Variants in IL6R observed in about 807,000 individuals in gnomAD.
IL6R encodes the protein interleukin-6 receptor subunit alpha.
IL6R carries 38 observed loss-of-function variants against 48.3 expected under a neutral mutation model. The ratio of observed to expected loss-of-function variants is 0.79; its 90% CI spans 0.61 to 1.03. The LOEUF is 1.03. IL6R is among the 50% of genes least tolerant of loss of function. The pLI is 0.00. For missense variants in IL6R, 534 were observed against 618.3 expected (o/e 0.86, Z 1.45); for synonymous variants, 264 against 256.2 (o/e 1.03, Z -0.29).
intron 8 of IL6R, among the ~76,000 whole-genome samples, chr1:154,453,090 A>C (rs1570998994): frequency 6.6e-6 from 1 of 151,998 alleles, no homozygotes; most frequent in Admixed American, 6.6e-5. Flanking sequence ...CTATTGTCCC[A>C]GGTACTTGGG....
chr1:154,457,322 C>CAAAAAAAAAAAAAAAAAAAAAAAAAAAA (rs60033332), intron 9 of IL6R, among the ~76,000 whole-genome samples: 1 of 78,124 alleles, frequency 1.3e-5, no homozygotes. Context: ...GACTCCGTCT[C>CAAAAAAAAAAAAAAAAAAAAAAAAAAAA]AAAAAAAAAA....
chr1:154,427,403 A>T (rs1016319861), intron 1 of IL6R, among the ~76,000 whole-genome samples: 4 of 152,156 alleles, frequency 2.6e-5, no homozygotes, highest in Non-Finnish European at 5.9e-5. Flanking sequence ...GGGAGAAAGT[A>T]AGGCCATAGG....
At position 154,466,642 on chromosome 1, in the gene IL6R, G is replaced by A. The variant is rs549744082; in HGVS notation, c.*1262G>A. 3.4e-4 allele frequency: 52 copies of A among 153,088 alleles called. No individual in the cohort carries two copies. Among genetic ancestry groups the A allele is most frequent in the South Asian group, 2.7e-3 (13 of 4,844 alleles). The allele number at this position is 153,088 out of a possible 1,614,324, so 9.5% of individuals were successfully genotyped here. On this transcript the variant is annotated 3_prime_UTR_variant, in exon 10 of 10. Coordinates refer to ENST00000368485, the MANE Select transcript of IL6R (RefSeq NM_000565.4). ...GCAGGAGGATCACTTGAGTCCAGAA[G>A]TTTGAGATCAGCCTGGGCAATGTGA...
rs1228285371 is a variant in IL6R, at chr1:154,448,121, G to C, written c.950-4G>C. 1 of 1,612,624 alleles carries C rather than the reference G, an allele frequency of 6.2e-7. No homozygotes were observed. The highest frequency in any genetic ancestry group is 2.2e-5 in the East Asian group (1 of 44,884). On this transcript the variant is annotated splice_region_variant and splice_polypyrimidine_tract_variant and intron_variant, in intron 6 of 9. Transcript: ENST00000368485. ...CTAATAATGAGCCTTTCTTCTGTCC[G>C]CAGAATCCAGGAGTCCTCCAGCTGA...
At position 154,434,629 on chromosome 1, in the gene IL6R, T is replaced by C. The variant is rs1011958394; in HGVS notation, c.569T>C (p.Val190Ala). ...VPEGDSSFYI[V>A]SMCVASSVGS... ...GAGGGAGACAGCTCTTTCTACATAG[T>C]GTCCATGTGCGTCGCCAGTAGTGTC... Residue 190 changes from valine to alanine, a missense_variant, in exon 4 of 10, where the codon GTG (valine) becomes GCG (alanine). Physicochemically the swap from Val to Ala is moderately conservative, Grantham distance 64. Coordinates refer to ENST00000368485, the MANE Select transcript of IL6R (RefSeq NM_000565.4). The C allele has an allele frequency of 1.2e-6, 2 of 1,614,146 alleles. No homozygotes were observed. Among genetic ancestry groups the C allele is most frequent in the Non-Finnish European group, 1.7e-6 (2 of 1,179,988 alleles).
At chr1:154,417,022 T>A (rs1218270500) in intron 1 of IL6R, among the ~76,000 whole-genome samples, 1 of 151,722 alleles carries the variant, frequency 6.6e-6, no homozygotes, top group African/African-American at 2.4e-5. Context: ...GCTAAGGGGG[T>A]CAGGGAGGGG....
At chr1:154,447,176 T>C (rs1389766169) in intron 6 of IL6R, among the ~76,000 whole-genome samples, 1 of 151,484 alleles carries the variant, frequency 6.6e-6, no homozygotes, top group African/African-American at 2.4e-5. Context: ...CGGTAGCTCA[T>C]GCCTGTAATC....
chr1:154,447,663 T>C (rs1690346314), intron 6 of IL6R, among the ~76,000 whole-genome samples: 1 of 148,722 alleles, frequency 6.7e-6, no homozygotes, highest in Non-Finnish European at 1.5e-5. Context: ...CGGTTGGATA[T>C]TTGGTTATTT....
intron 9 of IL6R, among the ~76,000 whole-genome samples, chr1:154,457,007 C>A (rs1690923118): frequency 6.6e-6 from 1 of 152,006 alleles, no homozygotes; most frequent in East Asian, 1.9e-4. Context: ...CTTCCGAGAA[C>A]CACATACTCA....
At chr1:154,421,727 C>T (rs1016449751) in intron 1 of IL6R, among the ~76,000 whole-genome samples, 6 of 152,070 alleles carry the variant, frequency 3.9e-5, no homozygotes, top group African/African-American at 7.2e-5. Context: ...TCAAGTGATC[C>T]TTCTGCCACA....
chr1:154,449,174 C>T (rs1331355817), intron 7 of IL6R, among the ~76,000 whole-genome samples: 1 of 89,850 alleles, frequency 1.1e-5, no homozygotes, highest in East Asian at 3.3e-4. Flanking sequence ...GGATTACACG[C>T]GTGAGCCACC....
In IL6R at chr1:154,448,090, G is replaced by T. The variant is rs774901846; in HGVS notation, c.950-35G>T. On this transcript the variant is annotated intron_variant, in intron 6 of 9. Transcript: ENST00000368485. ...CCTGAGACAGGACTCCAGGGCCCATGAATCACTAATAATGAGCCTTTCTTC... is the reference window on the plus strand; with the variant it reads ...CCTGAGACAGGACTCCAGGGCCCATTAATCACTAATAATGAGCCTTTCTTC... 2.1e-5 allele frequency: 33 copies of T among 1,584,320 alleles called. No individual in the cohort carries two copies. In the Admixed American group the frequency reaches 5.3e-4, roughly 26 times the overall value.
chr1:154,434,782 G>A (rs1689515053), intron 4 of IL6R, 82 bp downstream of exon 4: 1 of 1,430,044 alleles, frequency 7.0e-7, no homozygotes, highest in South Asian at 1.3e-5. Context: ...GAGTGGCAGG[G>A]AAGGGGTGGT....
chr1:154,422,694 G>A (rs1289478833), intron 1 of IL6R, among the ~76,000 whole-genome samples: 1 of 152,218 alleles, frequency 6.6e-6, no homozygotes, highest in Non-Finnish European at 1.5e-5. Flanking sequence ...TTGATTGTGT[G>A]CTCTTTGCTA....
intron 1 of IL6R, among the ~76,000 whole-genome samples, chr1:154,423,260 A>ATATATATATATATATATATATAT (rs1688781626): frequency 1.2e-5 from 1 of 85,476 alleles, no homozygotes; most frequent in African/African-American, 3.8e-5. Flanking sequence ...TGTTTAATTA[A>ATATATATATATATATATATATAT]ATATATATAT....
intron 6 of IL6R, chr1:154,444,932 C>A (rs1690133330): frequency 5.0e-6 from 2 of 396,894 alleles, no homozygotes; most frequent in South Asian, 3.6e-5. Context: ...AACTGCCCCC[C>A]ACACCCGCCC....
intron 6 of IL6R, among the ~76,000 whole-genome samples, chr1:154,447,353 C>T (rs1047068911): frequency 8.1e-5 from 12 of 147,936 alleles, no homozygotes; most frequent in African/African-American, 1.5e-4. Flanking sequence ...GAAGAAGAAT[C>T]GCTTGAACCC....
chr1:154,449,018 C>T (rs1391666404), intron 7 of IL6R, among the ~76,000 whole-genome samples: 2 of 148,410 alleles, frequency 1.3e-5, no homozygotes, highest in East Asian at 2.0e-4. Flanking sequence ...CTCAGCCTCC[C>T]GAGTAGCTGG....
chr1:154,446,601 G>A (rs1203545553), intron 6 of IL6R, among the ~76,000 whole-genome samples: 4 of 152,190 alleles, frequency 2.6e-5, no homozygotes, highest in Non-Finnish European at 5.9e-5. Context: ...GCTTTCGCTT[G>A]GATACTTAGC....
Sources: gnomAD v4.1 joint callset for allele counts (sites outside exome capture counted in the v4.1 genomes callset) on GRCh38, gnomAD v4.1.1 for gene constraint, MANE v1.5 for transcripts, NCBI Gene and HGNC (gene_info 2026-07-23, HGNC 2026-07-21) for gene names.